The following PLCH1 variants were observed in gnomAD, a reference collection of about 807,000 sequenced individuals.
PLCH1 encodes 1-phosphatidylinositol 4,5-bisphosphate phosphodiesterase eta-1.
A neutral mutation model predicts 126.7 loss-of-function variants in PLCH1; 60 were observed. The ratio of observed to expected loss-of-function variants is 0.47; its 90% confidence interval spans 0.38 to 0.59. The LOEUF (loss-of-function observed/expected upper bound fraction) is 0.59, where lower values mean the gene tolerates loss of function less well. PLCH1 is among the 20% of genes least tolerant of loss of function. PLCH1 has a pLI of 0.00. For synonymous variants in PLCH1, 719 were observed against 734.9 expected (o/e 0.98, Z 0.35); for missense variants, 1,723 against 2,040.0 (o/e 0.84, Z 2.99).
intron 2 of PLCH1, among the ~76,000 whole-genome samples, chr3:155,694,952 C>CT (rs201292066): frequency 0.054 from 6,254 of 115,236 alleles, 430 homozygotes; most frequent in African/African-American, 0.14. Context: ...AAAGCTAGTG[C>CT]TTTTTTTTTT....
At chr3:155,523,521 A>AG (rs1721480028) in intron 11 of PLCH1, among the ~76,000 whole-genome samples, 2 of 40,482 alleles carry the variant, frequency 4.9e-5, no homozygotes, top group South Asian at 1.3e-3. Flanking sequence ...CAGCCTTGAC[A>AG]GGGAGCATGG....
In PLCH1 at chr3:155,644,825, A is replaced by G. The variant is rs148117510; in HGVS notation, c.80-48447T>C. On this transcript the variant is annotated intron_variant, in intron 2 of 22. Coordinates refer to ENST00000460012, the MANE Select transcript of PLCH1 (RefSeq NM_014996.4). ...ATTCTCCTCTTCTGTTGATAAGAAC[A>G]GGCTCCTTTTTTAGAAATCAAATCT... Among the ~76,000 whole-genome samples, 885 of 152,288 alleles carry G rather than the reference A, an allele frequency of 5.8e-3. 12 individuals are homozygous for G. Among genetic ancestry groups the G allele is most frequent in the African/African-American group, 0.02 (838 of 41,552 alleles).
chr3:155,673,562 A>G (rs1743763180), intron 2 of PLCH1, among the ~76,000 whole-genome samples: 1 of 152,182 alleles, frequency 6.6e-6, no homozygotes, highest in South Asian at 2.1e-4. Context: ...CTAAAAGAAA[A>G]AAATCTGTAT....
chr3:155,680,517 G>A (rs1024595715), intron 2 of PLCH1, among the ~76,000 whole-genome samples: 11 of 152,158 alleles, frequency 7.2e-5, no homozygotes, highest in Admixed American at 4.6e-4. Flanking sequence ...GTCACACCCA[G>A]CTACCACTTC....
intron 10 of PLCH1, among the ~76,000 whole-genome samples, chr3:155,526,411 T>C (rs1173924069): frequency 6.9e-6 from 1 of 143,980 alleles, no homozygotes; most frequent in Non-Finnish European, 1.5e-5. Flanking sequence ...TCTCTCTTTC[T>C]CTCTCTCTCT....
chr3:155,471,144 C>G (rs1244523532), intron 21 of PLCH1, among the ~76,000 whole-genome samples: 7 of 152,094 alleles, frequency 4.6e-5, no homozygotes, highest in African/African-American at 1.7e-4. Flanking sequence ...ATTGGATAAA[C>G]AGTCAAGACC....
intron 2 of PLCH1, among the ~76,000 whole-genome samples, chr3:155,622,040 C>T (rs1463066747): frequency 1.3e-5 from 2 of 152,160 alleles, no homozygotes; most frequent in Non-Finnish European, 2.9e-5. Context: ...CAAAGGGAAG[C>T]CCATCAGACT....
intron 2 of PLCH1, among the ~76,000 whole-genome samples, chr3:155,667,134 T>A (rs1224006935): frequency 6.6e-6 from 1 of 152,154 alleles, no homozygotes; most frequent in African/African-American, 2.4e-5. Flanking sequence ...TATTTTTAAA[T>A]TGTGTGCCAG....
intron 12 of PLCH1, 145 bp downstream of exon 12, chr3:155,514,578 T>G (rs1720050133): frequency 1.9e-6 from 1 of 514,232 alleles, no homozygotes; most frequent in Admixed American, 3.9e-5. Context: ...CTCATATCAT[T>G]TTGCAATAAG....
In PLCH1 at chr3:155,481,340, G is replaced by T. The variant is rs773139178; in HGVS notation, c.4686C>A (p.Leu1562=). ...VLYSKQDANQ[L]PRALVRKLSS... ...ACAACTTCCTGACCAGTGCCCGGGG[G>T]AGCTGATTGGCATCCTGCTTTGAAT... is the stretch of plus-strand genomic sequence containing the variant. The change falls in exon 23 of 23, where the codon CTC becomes CTA. Residue 1562 remains leucine (L), a synonymous_variant. Coordinates refer to ENST00000460012, the MANE Select transcript of PLCH1 (RefSeq NM_014996.4). This position sits in a 1 kb window ranked among gnomAD's most constrained non-coding sequence, Gnocchi z 4.2. The T allele has an allele frequency of 5.0e-6, 8 of 1,614,232 alleles. No homozygotes were observed. Among genetic ancestry groups the T allele is most frequent in the Non-Finnish European group, 6.8e-6 (8 of 1,180,036 alleles).
rs771354037 is a variant in PLCH1, at chr3:155,481,251, T to C, written c.4775A>G (p.Asn1592Ser). The change falls in exon 23 of 23, where the codon AAC (asparagine) becomes AGC (serine). Residue 1592 changes from asparagine to serine, a missense_variant. Asn to Ser is a conservative substitution (Grantham distance 46, BLOSUM62 1). Transcript: ENST00000460012. The surrounding 1 kb of genome is among the most constrained non-coding windows in gnomAD (Gnocchi z 4.2). ...ASRAKEKQEA[N>S]KQKVPNPSNG... ...GCTGGGGTTTGGAACTTTCTGCTTG[T>C]TGGCTTCCTGTTTCTCCTTGGCACG... is the stretch of plus-strand genomic sequence containing the variant. The C allele has an allele frequency of 6.2e-7, 1 of 1,614,218 alleles. No homozygotes were observed. The highest frequency in any genetic ancestry group is 8.5e-7 in the Non-Finnish European group (1 of 1,180,038).
intron 2 of PLCH1, among the ~76,000 whole-genome samples, chr3:155,620,850 C>T (rs777726297): frequency 9.3e-5 from 14 of 150,422 alleles, no homozygotes; most frequent in African/African-American, 3.5e-4. Flanking sequence ...CAGACTTAAA[C>T]GTCCCTACCT....
chr3:155,677,528 T>A (rs952353201), intron 2 of PLCH1, among the ~76,000 whole-genome samples: 2 of 152,206 alleles, frequency 1.3e-5, no homozygotes, highest in Admixed American at 6.5e-5. Context: ...TAGGAGCCTA[T>A]CTGCCTAGGT....
At chr3:155,694,952 C>CTTTTTTT (rs201292066) in intron 2 of PLCH1, among the ~76,000 whole-genome samples, 3 of 115,242 alleles carry the variant, frequency 2.6e-5, no homozygotes, top group Admixed American at 9.6e-5. Context: ...AAAGCTAGTG[C>CTTTTTTT]TTTTTTTTTT....
At chr3:155,725,718 G>A (rs1400541179) in intron 1 of PLCH1, among the ~76,000 whole-genome samples, 1 of 152,130 alleles carries the variant, frequency 6.6e-6, no homozygotes, top group African/African-American at 2.4e-5. Context: ...GGGATTACAG[G>A]CATGAGACAT....
At chr3:155,612,338 AAAAAAAAGAAGAGG>A (rs938866962) in intron 2 of PLCH1, among the ~76,000 whole-genome samples, 6 of 151,432 alleles carry the variant, frequency 4.0e-5, no homozygotes, top group Non-Finnish European at 7.4e-5. Flanking sequence ...TCAAAAAAAA[AAAAAAAAGAAGAGG>A]AAACTTCATA....
intron 2 of PLCH1, among the ~76,000 whole-genome samples, chr3:155,666,893 G>GGTGTGTGTGT (rs3220185): frequency 1.3e-5 from 2 of 148,652 alleles, no homozygotes; most frequent in Non-Finnish European, 3.0e-5. Context: ...ACACAGATGA[G>GGTGTGTGTGT]GTGTGTGTGT....
intron 2 of PLCH1, among the ~76,000 whole-genome samples, chr3:155,686,563 C>T (rs1744963425): frequency 6.6e-6 from 1 of 152,166 alleles, no homozygotes; most frequent in Admixed American, 6.5e-5. Flanking sequence ...CCATATTGCT[C>T]AGGGACTCAG....
intron 8 of PLCH1, among the ~76,000 whole-genome samples, chr3:155,563,219 A>T (rs527332903): frequency 5.3e-5 from 8 of 152,298 alleles, no homozygotes; most frequent in African/African-American, 1.7e-4. Flanking sequence ...GTACACTTCC[A>T]TGATTTTAAC....
Sources: allele counts gnomAD v4.1 joint callset (sites outside exome capture counted in the v4.1 genomes callset), GRCh38; gene constraint gnomAD v4.1.1; non-coding constraint Gnocchi (gnomAD v3.1); transcripts MANE v1.5; gene names NCBI Gene and HGNC (gene_info 2026-07-23, HGNC 2026-07-21).